The following PRPF31 variants were observed in gnomAD, a reference collection of about 807,000 sequenced individuals.
The protein encoded by PRPF31 is pre-mRNA processing factor 31.
PRPF31 carries 12 observed loss-of-function variants against 60.4 expected under a neutral mutation model. The ratio of observed to expected loss-of-function variants is 0.20; its 90% CI spans 0.13 to 0.32. The LOEUF (loss-of-function observed/expected upper bound fraction) is 0.32, where lower values mean the gene tolerates loss of function less well. Ranked by LOEUF, PRPF31 falls within the 10% of genes least tolerant of loss-of-function variation. The pLI is 1.00. For missense variants in PRPF31, 431 were observed against 687.1 expected (o/e 0.63, Z 4.17); for synonymous variants, 287 against 287.9 (o/e 1.00, Z 0.03).
chr19:54,127,996 C>G, intron 9 of PRPF31, 77 bp from the exon 10 acceptor site: 2 of 1,542,596 alleles, frequency 1.3e-6, no homozygotes, highest in Non-Finnish European at 1.8e-6. Context: ...CGTGGATACT[C>G]GGGGGGCCCG....
At chr19:54,125,134 C>T (rs587613498) in intron 8 of PRPF31, 29 of 222,208 alleles carry the variant, frequency 1.3e-4, no homozygotes, top group Admixed American at 2.1e-4. Flanking sequence ...CGGAGCTTCC[C>T]GGGTCCTCTC....
intron 13 of PRPF31, among the ~76,000 whole-genome samples, chr19:54,130,361 C>T (rs1452936937): frequency 6.6e-6 from 1 of 152,152 alleles, no homozygotes; most frequent in Non-Finnish European, 1.5e-5. Flanking sequence ...CGCGGTGGCT[C>T]ACGCCTGTAA....
At chr19:54,130,486 G>T (rs1328006160) in intron 13 of PRPF31, among the ~76,000 whole-genome samples, 1 of 152,186 alleles carries the variant, frequency 6.6e-6, no homozygotes, top group African/African-American at 2.4e-5. Flanking sequence ...TTAGCCGGGC[G>T]TGGTGGCGGG....
intron 1 of PRPF31, among the ~76,000 whole-genome samples, chr19:54,116,764 C>T (rs993289937): frequency 2.8e-4 from 42 of 152,196 alleles, no homozygotes; most frequent in African/African-American, 6.0e-4. Flanking sequence ...GGAGGTGGAA[C>T]GTGAGAGCTG....
chr19:54,130,192 C>T (rs2074018620), intron 13 of PRPF31, among the ~76,000 whole-genome samples: 1 of 139,878 alleles, frequency 7.1e-6, no homozygotes, highest in Admixed American at 7.0e-5. Flanking sequence ...GCGCAGACAG[C>T]TCAGTAAGAT....
intron 4 of PRPF31, 122 bp from the exon 5 acceptor site, chr19:54,122,375 G>A (rs956366115): frequency 4.7e-5 from 38 of 811,594 alleles, no homozygotes; most frequent in African/African-American, 3.3e-4. Flanking sequence ...GCTGGTGCCC[G>A]TGTGCCAGGC....
At chr19:54,124,821 G>C in intron 8 of PRPF31, 165 bp downstream of exon 8, 1 of 796,456 alleles carries the variant, frequency 1.3e-6, no homozygotes, top group Admixed American at 2.1e-5. Context: ...CAGCAGACCA[G>C]CTCCAGCACC....
chr19:54,130,715 C>T lies in PRPF31; in HGVS notation c.1375-592C>T, dbSNP rs369304425. 2.4e-4 allele frequency among the ~76,000 whole-genome samples: 36 copies of T among 152,166 alleles called. No homozygotes were observed. The East Asian group carries it at 5.0e-3, about 21-fold the overall frequency. Reference sequence around the variant, plus strand: ...GGGGAGGCTCTCGTTTCGGAGCAGCCAGGGAGGGCCTCTTTGAGAAGATGA... The same window carrying T: ...GGGGAGGCTCTCGTTTCGGAGCAGCTAGGGAGGGCCTCTTTGAGAAGATGA... On this transcript the variant is annotated intron_variant, in intron 13 of 13. Transcript: ENST00000321030.
chr19:54,128,654 T>C (rs2073982429), intron 11 of PRPF31, among the ~76,000 whole-genome samples: 1 of 152,052 alleles, frequency 6.6e-6, no homozygotes, highest in African/African-American at 2.4e-5. Flanking sequence ...AGAGGCTCCT[T>C]AGTGCCCTGC....
At chr19:54,126,399 A>G (rs1344314672) in intron 8 of PRPF31, 129 bp from the exon 9 acceptor site, 1 of 813,098 alleles carries the variant, frequency 1.2e-6, no homozygotes, top group Non-Finnish European at 2.1e-6. Flanking sequence ...ACACCTCTAG[A>G]GCCCAAGGGT....
chr19:54,124,468 G>T, intron 7 of PRPF31, 31 bp from the exon 8 acceptor site: 2 of 1,559,856 alleles, frequency 1.3e-6, no homozygotes, highest in Non-Finnish European at 1.7e-6. Context: ...TCTTCTGACC[G>T]CCCCCCCTTC....
chr19:54,117,565 G>A (rs1181621933), intron 1 of PRPF31, among the ~76,000 whole-genome samples: 4 of 152,106 alleles, frequency 2.6e-5, no homozygotes, highest in Admixed American at 6.6e-5. Context: ...TAGCCCCTGC[G>A]GCGAGGCGCG....
rs773145541 is a variant in PRPF31, at chr19:54,124,495, G to A, written c.698-4G>A. On this transcript the variant is annotated splice_polypyrimidine_tract_variant and splice_region_variant and intron_variant, in intron 7 of 13. Coordinates refer to ENST00000321030, the MANE Select transcript of PRPF31 (RefSeq NM_015629.4). ...CCCCCCTTCCTCCCTCCCTCCCACC[G>A]CAGGTGTGGCCGGCGGCCTGACCAA... 10 of 1,512,412 alleles carry A rather than the reference G, an allele frequency of 6.6e-6. No homozygotes were observed. The highest frequency in any genetic ancestry group is 2.4e-5 in the East Asian group (1 of 42,092). The allele number at this position is 1,512,412 out of a possible 1,614,324, so 93.7% of individuals were successfully genotyped here.
Position 54,124,659 on chromosome 19 carries a change from G to T in PRPF31, c.855+3G>T. 6.2e-7 allele frequency: 1 copy of T among 1,612,280 alleles called. No homozygotes were observed. The stretch of plus-strand genomic sequence containing the variant: ...ACATCGTGCAGTCCCTGCCACCGGT[G>T]AGCCCACTGCGTCATGGCCCCTCCC... On this transcript the variant is annotated splice_donor_region_variant and intron_variant, in intron 8 of 13. Transcript: ENST00000321030.
At position 54,128,371 on chromosome 19, in the gene PRPF31, C is replaced by T. The variant is rs1411083098; in HGVS notation, c.1140C>T (p.Phe380=). ...EIRKQANRMS[F]GEIEEDAYQE... ...GGAAGCAGGCCAACCGTATGAGCTT[C>T]GGAGAGGTCAGACTCCCAGAGCGCC... The change falls in exon 11 of 14, where the codon TTC becomes TTT. Residue 380 remains phenylalanine (F), a synonymous_variant. Transcript: ENST00000321030. 24 of 1,514,832 alleles carry T rather than the reference C, an allele frequency of 1.6e-5. No individual in the cohort carries two copies. The highest frequency in any genetic ancestry group is 2.8e-5 in the African/African-American group (2 of 71,220). The allele number at this position is 1,514,832 out of a possible 1,614,324, so 93.8% of individuals were successfully genotyped here.
chr19:54,127,939 AAG>A (rs2073957756), intron 9 of PRPF31, 132 bp from the exon 10 acceptor site: 1 of 1,258,612 alleles, frequency 7.9e-7, no homozygotes, highest in Non-Finnish European at 1.1e-6. Context: ...AAGAAAAAGA[AAG>A]GGGGTGGCGG....
chr19:54,127,427 C>T (rs1212047452), intron 9 of PRPF31, among the ~76,000 whole-genome samples: 2 of 152,168 alleles, frequency 1.3e-5, no homozygotes, highest in Non-Finnish European at 2.9e-5. Flanking sequence ...GCCCCTGTGG[C>T]TATACTGAGC....
At chr19:54,122,974 G>T (rs1307519053) in intron 5 of PRPF31, 14 of 464,826 alleles carry the variant, frequency 3.0e-5, no homozygotes, top group South Asian at 2.9e-4. Flanking sequence ...CGGGGAAGGA[G>T]GGGACGGGGA....
intron 13 of PRPF31, 78 bp from the exon 14 acceptor site, chr19:54,131,229 G>A (rs1186263777): frequency 1.9e-6 from 3 of 1,580,058 alleles, no homozygotes; most frequent in Non-Finnish European, 2.6e-6. Context: ...ATGGGGAAGG[G>A]CCTGGGGGGC....
Sources: gnomAD v4.1 joint callset for allele counts (sites outside exome capture counted in the v4.1 genomes callset) on GRCh38, gnomAD v4.1.1 for gene constraint, MANE v1.5 for transcripts, NCBI Gene and HGNC (gene_info 2026-07-23, HGNC 2026-07-21) for gene names.